SLIT3: variants seen among roughly 807,000 people sequenced by gnomAD.
SLIT3 encodes the protein slit guidance ligand 3.
SLIT3 carries 68 observed loss-of-function variants against 184.0 expected under a neutral mutation model. That is an observed-to-expected ratio of 0.37 (90% CI 0.30 to 0.45). The LOEUF (loss-of-function observed/expected upper bound fraction) is 0.45, where lower values mean the gene tolerates loss of function less well. SLIT3 is among the 20% of genes least tolerant of loss of function. The pLI is 1.00. For missense variants in SLIT3, 1,707 were observed against 2,026.0 expected (o/e 0.84, Z 3.02); for synonymous variants, 831 against 828.6 (o/e 1.00, Z -0.05).
intron 4 of SLIT3, among the ~76,000 whole-genome samples, chr5:169,113,443 A>G (rs1317379336): frequency 1.3e-5 from 2 of 152,094 alleles, no homozygotes; most frequent in East Asian, 1.9e-4. Flanking sequence ...TCTATATTAC[A>G]TTCGGTTTAT....
At chr5:169,227,554 A>G (rs1399684776) in intron 3 of SLIT3, among the ~76,000 whole-genome samples, 1 of 152,078 alleles carries the variant, frequency 6.6e-6, no homozygotes, top group Non-Finnish European at 1.5e-5. Context: ...CAGCTTCCCC[A>G]GTAGCTGGGA....
At chr5:169,161,651 C>CTTT (rs527835135) in intron 4 of SLIT3, among the ~76,000 whole-genome samples, 7 of 140,702 alleles carry the variant, frequency 5.0e-5, no homozygotes, top group Middle Eastern at 3.5e-3. Context: ...ATAAAACAGT[C>CTTT]TTTTTTTTTT....
chr5:168,766,322 G>A (rs75765924), intron 14 of SLIT3, among the ~76,000 whole-genome samples: 1,874 of 152,318 alleles, frequency 0.012, 35 homozygotes, highest in African/African-American at 0.043. Context: ...TGGGGGGAGC[G>A]TAAGTCCTGT....
At chr5:168,825,000 A>G (rs190819980) in intron 6 of SLIT3, among the ~76,000 whole-genome samples, 2 of 152,286 alleles carry the variant, frequency 1.3e-5, no homozygotes, top group African/African-American at 4.8e-5. Flanking sequence ...TGCTCTGTAC[A>G]TGGTTGAAAT....
intron 4 of SLIT3, among the ~76,000 whole-genome samples, chr5:168,894,780 C>T (rs73802447): frequency 8.5e-5 from 13 of 152,280 alleles, no homozygotes; most frequent in African/African-American, 1.9e-4. Flanking sequence ...TGCCTGACAG[C>T]GTTTCATCTC....
rs192239621 is a variant in SLIT3, at chr5:168,729,422, C to A, written c.2271-4938G>T. Among the ~76,000 whole-genome samples, 466 of 151,906 alleles carry A rather than the reference C, an allele frequency of 3.1e-3. 5 individuals carry two copies. The highest frequency in any genetic ancestry group is 0.01 in the Middle Eastern group (3 of 294). On this transcript the variant is annotated intron_variant, in intron 20 of 35. Transcript: ENST00000519560. The stretch of plus-strand genomic sequence containing the variant: ...AGCATGGAGTCATATACAAAGGAAA[C>A]CCCTCAGACTAACAGAAGACTTTTC...
rs766182517 is a variant in SLIT3, at chr5:168,669,923, C to T, written c.4196G>A (p.Gly1399Glu). 4 of 1,614,174 alleles carry T rather than the reference C, an allele frequency of 2.5e-6. No homozygotes were observed. Among genetic ancestry groups the T allele is most frequent in the East Asian group, 2.2e-5 (1 of 44,864 alleles). The change falls in exon 35 of 36, where the codon GGG (glycine) becomes GAG (glutamate). Residue 1399 changes from glycine (G) to glutamate (E), a missense_variant. Coordinates refer to ENST00000519560, the MANE Select transcript of SLIT3 (RefSeq NM_003062.4). ...GTCATTCTTGTTGTCACACAAGTCC[C>T]CTCCATAGCCCTCGGCACACTTGCA... Reference protein sequence around the residue: ...YMCKCAEGYGGDLCDNKNDSA... With the variant: ...YMCKCAEGYGEDLCDNKNDSA...
At chr5:169,107,925 C>A (rs763165290) in intron 4 of SLIT3, among the ~76,000 whole-genome samples, 17 of 152,216 alleles carry the variant, frequency 1.1e-4, no homozygotes, top group Non-Finnish European at 2.2e-4. Flanking sequence ...CCTCGATGAT[C>A]GGGCTGAGAT....
At chr5:168,735,845 T>C (rs1420542408) in intron 20 of SLIT3, among the ~76,000 whole-genome samples, 1 of 152,154 alleles carries the variant, frequency 6.6e-6, no homozygotes, top group African/African-American at 2.4e-5. Context: ...ATTCCTGCAT[T>C]TCTCTTGGAG....
intron 1 of SLIT3, among the ~76,000 whole-genome samples, chr5:169,285,165 C>T (rs1308844770): frequency 1.3e-5 from 2 of 152,178 alleles, no homozygotes; most frequent in African/African-American, 4.8e-5. Flanking sequence ...GATCCTCCCA[C>T]CTCAGCCTCC....
chr5:169,185,283 T>G (rs4867735), intron 4 of SLIT3, among the ~76,000 whole-genome samples: 16,808 of 152,198 alleles, frequency 0.11, 1,111 homozygotes, highest in East Asian at 0.26. Context: ...GGACTCAGTT[T>G]GCAGGGACAT....
intron 32 of SLIT3, among the ~76,000 whole-genome samples, chr5:168,675,847 G>A (rs1200757946): frequency 6.6e-6 from 1 of 152,146 alleles, no homozygotes; most frequent in Non-Finnish European, 1.5e-5. Context: ...GAAAGTGATG[G>A]CAGAGGACAT....
intron 4 of SLIT3, among the ~76,000 whole-genome samples, chr5:169,131,247 T>G (rs958159255): frequency 2.0e-5 from 3 of 152,240 alleles, no homozygotes; most frequent in Non-Finnish European, 4.4e-5. Flanking sequence ...GATTACTGAT[T>G]GTAAATTACA....
intron 4 of SLIT3, among the ~76,000 whole-genome samples, chr5:169,017,239 T>C (rs1756418771): frequency 6.6e-6 from 1 of 152,188 alleles, no homozygotes; most frequent in Non-Finnish European, 1.5e-5. Context: ...TACTTTGAGA[T>C]AGGGAGATCA....
chr5:169,123,419 TA>T (rs1760957968), intron 4 of SLIT3, among the ~76,000 whole-genome samples: 1 of 151,950 alleles, frequency 6.6e-6, no homozygotes, highest in African/African-American at 2.4e-5. Flanking sequence ...ATAAACCAGC[TA>T]GATCAATTTT....
intron 15 of SLIT3, among the ~76,000 whole-genome samples, chr5:168,761,921 A>AAATTTT (rs1554139194): frequency 9.1e-5 from 10 of 110,494 alleles, no homozygotes; most frequent in South Asian, 3.4e-4. Context: ...AAAAAAAAAA[A>AAATTTT]TTTTTTTTTT....
At chr5:168,931,232 AT>A (rs1761978933) in intron 4 of SLIT3, among the ~76,000 whole-genome samples, 2 of 152,192 alleles carry the variant, frequency 1.3e-5, no homozygotes, top group Non-Finnish European at 2.9e-5. Flanking sequence ...ATTTAATTTC[AT>A]TTTCCCCTTT....
At chr5:168,703,944 CAAA>C (rs70976498) in intron 26 of SLIT3, among the ~76,000 whole-genome samples, 96 of 46,834 alleles carry the variant, frequency 2.0e-3, no homozygotes, top group South Asian at 0.017. Context: ...ACTCTGTCTC[CAAA>C]AAAAAAAAAA....
At chr5:169,257,830 T>C (rs1766027763) in intron 1 of SLIT3, among the ~76,000 whole-genome samples, 1 of 152,078 alleles carries the variant, frequency 6.6e-6, no homozygotes, top group Non-Finnish European at 1.5e-5. Flanking sequence ...GCTAAAATTA[T>C]AGGCATGAGC....
Sources: gnomAD v4.1 joint callset for allele counts (sites outside exome capture counted in the v4.1 genomes callset) on GRCh38, gnomAD v4.1.1 for gene constraint, MANE v1.5 for transcripts, NCBI Gene and HGNC (gene_info 2026-07-23, HGNC 2026-07-21) for gene names.